Variants in ITGA2 observed in about 807,000 individuals in gnomAD.
ITGA2 encodes integrin alpha-2.
Under a neutral mutation model 146.3 loss-of-function variants are expected in ITGA2, and 101 were observed. The observed-to-expected ratio is 0.69, with a 90% CI of 0.59 to 0.81. The LOEUF (loss-of-function observed/expected upper bound fraction) is 0.81, where lower values mean the gene tolerates loss of function less well. Ranked by LOEUF, ITGA2 falls within the 40% of genes least tolerant of loss-of-function variation. ITGA2 has a pLI of 0.00. For synonymous variants in ITGA2, 477 were observed against 487.1 expected (o/e 0.98, Z 0.27); for missense variants, 1,281 against 1,402.7 (o/e 0.91, Z 1.39).
At chr5:53,064,843 C>G (rs564541562) in intron 13 of ITGA2, 69 bp from the exon 14 acceptor site, 23 of 1,472,284 alleles carry the variant, frequency 1.6e-5, no homozygotes, top group Non-Finnish European at 4.7e-6. Context: ...CCACACCCAG[C>G]TGCTCTGAAT....
chr5:53,001,265 T>A (rs1741569338), intron 1 of ITGA2, among the ~76,000 whole-genome samples: 1 of 152,196 alleles, frequency 6.6e-6, no homozygotes, highest in African/African-American at 2.4e-5. Flanking sequence ...GGCAGTGTGA[T>A]GACCAATGAG....
At chr5:53,049,858 A>G (rs17295928) in intron 6 of ITGA2, among the ~76,000 whole-genome samples, 1,581 of 152,264 alleles carry the variant, frequency 0.01, 10 homozygotes, top group Middle Eastern at 0.027. Flanking sequence ...AATTGTTGAC[A>G]TATTTTTCCC....
At chr5:53,088,685 CAAAAAA>C (rs5867861) in intron 28 of ITGA2, among the ~76,000 whole-genome samples, 1 of 105,918 alleles carries the variant, frequency 9.4e-6, no homozygotes, top group Non-Finnish European at 1.8e-5. Context: ...GACTCTGTCT[CAAAAAA>C]AAAAAAAAAA....
intron 1 of ITGA2, among the ~76,000 whole-genome samples, chr5:53,000,424 G>T (rs1389181709): frequency 1.3e-5 from 2 of 152,026 alleles, no homozygotes; most frequent in East Asian, 3.9e-4. Flanking sequence ...CTTTTTATAG[G>T]TTGCTGGATT....
At chr5:53,031,045 C>G (rs1187664174) in intron 2 of ITGA2, among the ~76,000 whole-genome samples, 1 of 152,216 alleles carries the variant, frequency 6.6e-6, no homozygotes, top group Non-Finnish European at 1.5e-5. Context: ...GACTCTCAGG[C>G]TCAAGGAAAA....
chr5:53,037,369 G>T (rs1743541733), intron 2 of ITGA2, among the ~76,000 whole-genome samples: 1 of 152,168 alleles, frequency 6.6e-6, no homozygotes, highest in Non-Finnish European at 1.5e-5. Flanking sequence ...TCTTTTGTCT[G>T]GTTGGGATTA....
At chr5:53,009,565 T>C (rs549065195) in intron 1 of ITGA2, among the ~76,000 whole-genome samples, 18 of 152,272 alleles carry the variant, frequency 1.2e-4, no homozygotes, top group African/African-American at 4.3e-4. Flanking sequence ...AGCCTGTTTT[T>C]ACCTGCTAGA....
chr5:53,072,131 GA>G, intron 18 of ITGA2, 83 bp downstream of exon 18: 1 of 951,278 alleles, frequency 1.1e-6, no homozygotes, highest in Non-Finnish European at 1.7e-6. Context: ...GGATGGTTAG[GA>G]TGCAGCCTGA....
chr5:53,048,616 C>T (rs1744205639), intron 5 of ITGA2, 27 bp from the exon 6 acceptor site: 3 of 1,614,020 alleles, frequency 1.9e-6, no homozygotes, highest in Non-Finnish European at 2.5e-6. Context: ...CTGTGGAAAT[C>T]TGCTTCTTTC....
rs1745450010 is a variant in ITGA2 at position 53,072,594 on chromosome 5, C to CT, written c.2347-13dup. ...TCAACCCAAGAGCAAATGTATGGAT[C>CT]TTTTTTCCTTTTTCGTAGATTCCTT... On this transcript the variant is annotated intron_variant, in intron 18 of 29. Coordinates refer to ENST00000296585, the MANE Select transcript of ITGA2 (RefSeq NM_002203.4). The CT allele has an allele frequency of 1.9e-6, 3 of 1,596,346 alleles. No individual in the cohort carries two copies. The highest frequency in any genetic ancestry group is 2.6e-6 in the Non-Finnish European group (3 of 1,167,350).
chr5:53,056,347 A>G (rs1041949608), intron 9 of ITGA2, among the ~76,000 whole-genome samples, 198 bp downstream of exon 9: 2 of 152,066 alleles, frequency 1.3e-5, no homozygotes, highest in African/African-American at 2.4e-5. Context: ...AACATAAGAA[A>G]ATATTCCCAA....
rs764691319 is a variant in ITGA2 at position 53,070,165 on chromosome 5, A to G, written c.2140A>G (p.Arg714Gly). The G allele has an allele frequency of 8.7e-6, 14 of 1,611,626 alleles. No homozygotes were observed. The highest frequency in any genetic ancestry group is 1.2e-5 in the Non-Finnish European group (14 of 1,178,368). Residue 714 changes from arginine (R) to glycine (G), a missense_variant, in exon 17 of 30, where the codon AGG becomes GGG. Coordinates refer to ENST00000296585, the MANE Select transcript of ITGA2 (RefSeq NM_002203.4). ...TGGATTTTCATCCAGAGTAACCTCC[A>G]GGGGGTTATTTAAAGAAAACAATGA... ...ADGFSSRVTSRGLFKENNERC... is the reference protein window; with the variant it reads ...ADGFSSRVTSGGLFKENNERC...
intron 16 of ITGA2, 68 bp downstream of exon 16, chr5:53,067,325 A>G: frequency 1.3e-6 from 2 of 1,583,146 alleles, no homozygotes; most frequent in South Asian, 1.1e-5. Flanking sequence ...TGAATATAAC[A>G]TATTTTGGTT....
intron 2 of ITGA2, among the ~76,000 whole-genome samples, chr5:53,036,925 G>A (rs1743519113): frequency 6.6e-6 from 1 of 152,050 alleles, no homozygotes; most frequent in African/African-American, 2.4e-5. Flanking sequence ...CAGTCCCCAA[G>A]AGCCCAATAA....
intron 27 of ITGA2, among the ~76,000 whole-genome samples, chr5:53,085,225 T>C (rs897628117): frequency 6.6e-6 from 1 of 152,234 alleles, no homozygotes; most frequent in African/African-American, 2.4e-5. Flanking sequence ...GTTGCTACCC[T>C]TTCTCTGATG....
intron 27 of ITGA2, among the ~76,000 whole-genome samples, chr5:53,084,393 A>G (rs1746064144): frequency 6.6e-6 from 1 of 152,118 alleles, no homozygotes; most frequent in Admixed American, 6.5e-5. Context: ...CTCTCCAATA[A>G]ATCCACTTCC....
intron 11 of ITGA2, 39 bp from the exon 12 acceptor site, chr5:53,060,862 T>G: frequency 6.2e-7 from 1 of 1,600,102 alleles, no homozygotes; most frequent in East Asian, 2.2e-5. Flanking sequence ...TTTGCTCAGA[T>G]AGTCAATGTT....
chr5:53,045,050 C>T lies in ITGA2; in HGVS notation c.345C>T (p.Leu115=), dbSNP rs368086649. ...CTGAGATGAAAACCAACATGAGCCT[C>T]GGCTTGATCCTCACCAGGAACATGG... ...NVTEMKTNMS[L]GLILTRNMGT... is the part of the protein sequence containing the mutation. Residue 115 remains leucine, a synonymous_variant, in exon 4 of 30, where the codon CTC becomes CTT. Coordinates refer to ENST00000296585, the MANE Select transcript of ITGA2 (RefSeq NM_002203.4). 7.9e-5 allele frequency: 127 copies of T among 1,613,832 alleles called. No homozygotes were observed. Among genetic ancestry groups the T allele is most frequent in the Non-Finnish European group, 1.0e-4 (121 of 1,179,874 alleles).
intron 6 of ITGA2, 28 bp from the exon 7 acceptor site, chr5:53,051,383 C>T (rs1319031381): frequency 6.2e-7 from 1 of 1,604,852 alleles, no homozygotes; most frequent in African/African-American, 1.3e-5. Context: ...TAATGACAGC[C>T]CATTAATAAA....
Sources: gnomAD v4.1 joint callset for allele counts (sites outside exome capture counted in the v4.1 genomes callset) on GRCh38, gnomAD v4.1.1 for gene constraint, MANE v1.5 for transcripts, NCBI Gene and HGNC (gene_info 2026-07-23, HGNC 2026-07-21) for gene names.